Variants in DISC1 observed in about 807,000 individuals in gnomAD.
The protein encoded by DISC1 is disrupted in schizophrenia 1 protein.
Under a neutral mutation model 84.5 loss-of-function variants are expected in DISC1, and 57 were observed. The observed-to-expected ratio is 0.67, with a 90% confidence interval of 0.55 to 0.84. DISC1 has a LOEUF of 0.84. DISC1 is among the 40% of genes least tolerant of loss of function. The pLI is 0.00. For synonymous variants in DISC1, 411 were observed against 415.2 expected, an observed-to-expected ratio of 0.99 and a Z score of 0.12; for missense variants, 1,000 against 1,057.8, an observed-to-expected ratio of 0.95 and a Z score of 0.76.
rs6699672 is a variant in DISC1 at position 231,819,127 on chromosome 1, G to A, written c.1981+610G>A. 1.3e-3 allele frequency: 1,293 copies of A among 986,190 alleles called. 17 individuals are homozygous for A. The African/African-American group carries it at 0.02, about 15-fold the overall frequency. 61.1% of individuals were successfully genotyped at this position (986,190 alleles called of 1,614,324 possible). A position where few individuals can be genotyped will look rare whatever the true frequency, so the allele number is the denominator to read the frequency against. On this transcript the variant is annotated intron_variant, in intron 9 of 12. Transcript: ENST00000439617. ...ACCCAGAGGGATGGTCTCAGAAGAC[G>A]CTGGTTCAGTGCAAATTGAGATGGT...
At chr1:231,776,143 G>C (rs1052013688) in intron 6 of DISC1, among the ~76,000 whole-genome samples, 1 of 152,144 alleles carries the variant, frequency 6.6e-6, no homozygotes, top group African/African-American at 2.4e-5. Flanking sequence ...GAAAACCAGG[G>C]GAGGGCAGCC....
chr1:231,937,142 G>A (rs1007791320), intron 9 of DISC1, among the ~76,000 whole-genome samples: 3 of 152,180 alleles, frequency 2.0e-5, no homozygotes, highest in African/African-American at 7.2e-5. Context: ...CATTAAACCT[G>A]TATCCCCATT....
intron 9 of DISC1, among the ~76,000 whole-genome samples, chr1:231,887,478 C>T (rs934389786): frequency 1.2e-4 from 19 of 152,204 alleles, no homozygotes; most frequent in African/African-American, 4.6e-4. Flanking sequence ...TGGATTTGCT[C>T]CATTCATGTA....
intron 5 of DISC1, among the ~76,000 whole-genome samples, chr1:231,767,577 G>C (rs970705679): frequency 9.8e-5 from 15 of 152,294 alleles, no homozygotes; most frequent in Middle Eastern, 6.8e-3. Context: ...GATTACAGGC[G>C]TGAGCCACTG....
intron 4 of DISC1, chr1:231,750,423 C>A (rs775655934): frequency 1.2e-5 from 13 of 1,053,172 alleles, no homozygotes; most frequent in Non-Finnish European, 1.5e-5. Context: ...TCATATTAAG[C>A]CTGTAAGATA....
intron 4 of DISC1, among the ~76,000 whole-genome samples, chr1:231,750,890 C>G (rs1294884675): frequency 6.6e-6 from 1 of 152,208 alleles, no homozygotes; most frequent in Non-Finnish European, 1.5e-5. Flanking sequence ...TTTCCCACTT[C>G]CAATTGGTCC....
chr1:231,809,722 G>A (rs2080104542), intron 8 of DISC1, among the ~76,000 whole-genome samples: 1 of 151,994 alleles, frequency 6.6e-6, no homozygotes, highest in African/African-American at 2.4e-5. Flanking sequence ...AACACAAAAT[G>A]GGTGAATTTC....
chr1:231,680,553 A>G (rs1264154963), intron 1 of DISC1, among the ~76,000 whole-genome samples: 1 of 152,228 alleles, frequency 6.6e-6, no homozygotes, highest in African/African-American at 2.4e-5. Context: ...TGGAAAAAAA[A>G]TACTGAATAT....
intron 1 of DISC1, among the ~76,000 whole-genome samples, chr1:231,642,020 C>T (rs1202645131): frequency 6.6e-6 from 1 of 152,190 alleles, no homozygotes; most frequent in African/African-American, 2.4e-5. Flanking sequence ...GTCGGGGAGG[C>T]TCGGGCTGCA....
chr1:231,886,542 G>A (rs890892276), intron 9 of DISC1, among the ~76,000 whole-genome samples: 7 of 152,144 alleles, frequency 4.6e-5, no homozygotes, highest in African/African-American at 1.2e-4. Flanking sequence ...CAGTTTGCAC[G>A]TGTGTCTACA....
chr1:231,677,467 C>T (rs1008331004), intron 1 of DISC1, among the ~76,000 whole-genome samples: 10 of 152,168 alleles, frequency 6.6e-5, no homozygotes, highest in African/African-American at 1.7e-4. Context: ...CAGAACAACT[C>T]GGGGAAAGAC....
intron 9 of DISC1, among the ~76,000 whole-genome samples, chr1:231,927,147 T>C (rs1478068538): frequency 1.3e-5 from 2 of 152,212 alleles, no homozygotes; most frequent in African/African-American, 2.4e-5. Context: ...TCCCTTTTTC[T>C]TTGAGTCACA....
chr1:231,735,813 T>C (rs1023073839), intron 3 of DISC1, among the ~76,000 whole-genome samples: 1 of 152,226 alleles, frequency 6.6e-6, no homozygotes, highest in Non-Finnish European at 1.5e-5. Context: ...CATTCATTTA[T>C]TTTAGTTTGA....
intron 3 of DISC1, chr1:231,722,546 C>A: frequency 6.2e-7 from 1 of 1,614,148 alleles, no homozygotes. Flanking sequence ...CAGCTGGAAC[C>A]AATTGCTTTG....
At chr1:231,881,237 A>G (rs995990244) in intron 9 of DISC1, among the ~76,000 whole-genome samples, 1 of 152,166 alleles carries the variant, frequency 6.6e-6, no homozygotes, top group Non-Finnish European at 1.5e-5. Context: ...GGTCTGCTTG[A>G]GCTGCCATAA....
intron 9 of DISC1, among the ~76,000 whole-genome samples, chr1:231,914,896 G>A (rs1305761092): frequency 6.6e-6 from 1 of 152,212 alleles, no homozygotes. Context: ...TGAGAATTGT[G>A]TATACTGTCC....
chr1:231,839,108 G>A (rs1220703635), intron 9 of DISC1, among the ~76,000 whole-genome samples: 1 of 152,194 alleles, frequency 6.6e-6, no homozygotes, highest in African/African-American at 2.4e-5. Context: ...TCACAGAGGA[G>A]GCAGGGCATG....
At chr1:231,736,758 A>G (rs1348575324) in intron 3 of DISC1, among the ~76,000 whole-genome samples, 2 of 152,232 alleles carry the variant, frequency 1.3e-5, no homozygotes, top group Non-Finnish European at 2.9e-5. Flanking sequence ...CCATTATGTA[A>G]AAACCAAAGA....
At chr1:231,801,234 G>A (rs2079220816) in intron 8 of DISC1, among the ~76,000 whole-genome samples, 1 of 151,976 alleles carries the variant, frequency 6.6e-6, no homozygotes. Flanking sequence ...GCTCTTAACA[G>A]CTTCACATGC....
Sources: allele counts gnomAD v4.1 joint callset (sites outside exome capture counted in the v4.1 genomes callset), GRCh38; gene constraint gnomAD v4.1.1; transcripts MANE v1.5; gene names NCBI Gene and HGNC (gene_info 2026-07-23, HGNC 2026-07-21).